SLC8A2: variants seen among roughly 807,000 people sequenced by gnomAD.
The protein encoded by SLC8A2 is solute carrier family 8 member A2.
Under a neutral mutation model 70.2 loss-of-function variants are expected in SLC8A2, and 14 were observed. That is an observed-to-expected ratio of 0.20 (90% confidence interval 0.13 to 0.31). The LOEUF is 0.31. Ranked by LOEUF, SLC8A2 falls within the 10% of genes least tolerant of loss-of-function variation. The pLI, the probability that SLC8A2 is intolerant of heterozygous loss-of-function variation, is 1.00. For synonymous variants in SLC8A2, 575 were observed against 594.3 expected (o/e 0.97, Z 0.47); for missense variants, 779 against 1,320.1 (o/e 0.59, Z 6.35).
chr19:47,429,922 G>A lies in SLC8A2; in HGVS notation c.*167C>T. 2 of 575,586 alleles carry A rather than the reference G, an allele frequency of 3.5e-6. No homozygotes were observed. The highest frequency in any genetic ancestry group is 4.1e-5 in the South Asian group (2 of 48,406). 35.7% of individuals were successfully genotyped at this position (575,586 alleles called of 1,614,324 possible). A position where few individuals can be genotyped will look rare whatever the true frequency, so the allele number is the denominator to read the frequency against. Reference sequence around the variant, plus strand: ...GGAAGAGGGAAGGCTGAGCTACTGGGGACACAGAACAGGGCAATCAAAGCC... The same window carrying A: ...GGAAGAGGGAAGGCTGAGCTACTGGAGACACAGAACAGGGCAATCAAAGCC... On this transcript the variant is annotated 3_prime_UTR_variant, in exon 10 of 10. Transcript: ENST00000236877.
intron 3 of SLC8A2, among the ~76,000 whole-genome samples, chr19:47,450,463 C>T (rs937730485): frequency 1.3e-5 from 2 of 151,746 alleles, no homozygotes; most frequent in Admixed American, 1.3e-4. Context: ...GTGGAGGTTG[C>T]AGTGAGCCAA....
At chr19:47,452,317 C>T (rs1444071770) in intron 3 of SLC8A2, among the ~76,000 whole-genome samples, 1 of 150,474 alleles carries the variant, frequency 6.6e-6, no homozygotes, top group African/African-American at 2.4e-5. Context: ...TGGGCTCAAG[C>T]GATTCCCCTA....
intron 6 of SLC8A2, among the ~76,000 whole-genome samples, chr19:47,439,105 T>G (rs570811833): frequency 7.8e-4 from 117 of 150,954 alleles, no homozygotes; most frequent in Non-Finnish European, 1.1e-3. Flanking sequence ...GCCTCGAAAC[T>G]CTCTTGCCCT....
chr19:47,450,586 G>GC (rs931198957), intron 3 of SLC8A2, among the ~76,000 whole-genome samples: 5 of 152,102 alleles, frequency 3.3e-5, no homozygotes, highest in African/African-American at 1.2e-4. Flanking sequence ...GAGAGGGACC[G>GC]CAAGGTTCTG....
intron 4 of SLC8A2, among the ~76,000 whole-genome samples, chr19:47,444,272 A>T (rs1967132444): frequency 6.6e-6 from 1 of 151,888 alleles, no homozygotes; most frequent in Non-Finnish European, 1.5e-5. Flanking sequence ...AAGTCAACAC[A>T]CTTCAAGCAG....
chr19:47,441,025 T>TC (rs1352167688), intron 6 of SLC8A2, 144 bp downstream of exon 6: 2 of 701,636 alleles, frequency 2.9e-6, no homozygotes, highest in Non-Finnish European at 5.0e-6. Context: ...GACCCCACTG[T>TC]CCCCCAGCCC....
chr19:47,465,667 G>T lies in SLC8A2; in HGVS notation c.675+62C>A. 1 of 1,373,628 alleles carries T rather than the reference G, an allele frequency of 7.3e-7. No individual in the cohort carries two copies. The highest frequency in any genetic ancestry group is 1.4e-5 in the South Asian group (1 of 71,872). 85.1% of individuals were successfully genotyped at this position (1,373,628 alleles called of 1,614,324 possible). On this transcript the variant is annotated intron_variant, in intron 2 of 9. Coordinates refer to ENST00000236877, the MANE Select transcript of SLC8A2 (RefSeq NM_015063.3). This position sits in a 1 kb window ranked among gnomAD's most constrained non-coding sequence, Gnocchi z 5.5. ...CAGCAATCAACACTCCAAGCCAAGA[G>T]CACCTCTCTGGATTTTGCAGACACA...
rs1356509999 is a variant in SLC8A2, at chr19:47,429,860, G to A, written c.*229C>T. On this transcript the variant is annotated 3_prime_UTR_variant, in exon 10 of 10. Coordinates refer to ENST00000236877, the MANE Select transcript of SLC8A2 (RefSeq NM_015063.3). ...CACCAACAGGATGGGCTGGAGTTGG[G>A]GTCACCGCAGGGGAGGAACCGGGGA... 3.4e-6 allele frequency: 2 copies of A among 592,540 alleles called. No homozygotes were observed. Among genetic ancestry groups the A allele is most frequent in the East Asian group, 2.8e-5 (1 of 35,180 alleles). 36.7% of individuals were successfully genotyped at this position (592,540 alleles called of 1,614,324 possible). A position where few individuals can be genotyped will look rare whatever the true frequency, so the allele number is the denominator to read the frequency against.
In SLC8A2 at chr19:47,452,186, G is replaced by A. The variant is rs147748879; in HGVS notation, c.1341-3955C>T. Among the ~76,000 whole-genome samples the A allele has an allele frequency of 4.4e-3, 673 of 152,058 alleles. 9 individuals carry two copies. The highest frequency in any genetic ancestry group is 0.015 in the African/African-American group (629 of 41,456). On this transcript the variant is annotated intron_variant, in intron 3 of 9. Transcript: ENST00000236877. ...ATGAAGGTCATGGTATTTGCAACTC[G>A]TGGTCACAGAGTGTCACAATTATTG...
rs927627706 is a variant in SLC8A2, at chr19:47,465,552, C to G, written c.675+177G>C. On this transcript the variant is annotated intron_variant, in intron 2 of 9. Coordinates refer to ENST00000236877, the MANE Select transcript of SLC8A2 (RefSeq NM_015063.3). This position sits in a 1 kb window ranked among gnomAD's most constrained non-coding sequence, Gnocchi z 5.5. Reference sequence around the variant, plus strand: ...TCCAGCCCCTCCAGCAGGACTTGCCCTGTTTGGCTCAATTCCCTTGTGTAG... The same window carrying G: ...TCCAGCCCCTCCAGCAGGACTTGCCGTGTTTGGCTCAATTCCCTTGTGTAG... Among the ~76,000 whole-genome samples, 2 of 152,224 alleles carry G rather than the reference C, an allele frequency of 1.3e-5. No individual in the cohort carries two copies.
chr19:47,459,617 G>A (rs1967365600), intron 2 of SLC8A2, among the ~76,000 whole-genome samples: 1 of 151,560 alleles, frequency 6.6e-6, no homozygotes, highest in South Asian at 2.1e-4. Context: ...GTGTGTGCAT[G>A]TGTGTATGTG....
chr19:47,465,432 G>A lies in SLC8A2; in HGVS notation c.675+297C>T, dbSNP rs1025928606. On this transcript the variant is annotated intron_variant, in intron 2 of 9. Transcript: ENST00000236877. This position sits in a 1 kb window ranked among gnomAD's most constrained non-coding sequence, Gnocchi z 5.5. ...GCTAAAAGGTGCCCCTTCCAAGTGAGTGTACTGTTCTTAAGTGCAAAACAG... is the reference window on the plus strand; with the variant it reads ...GCTAAAAGGTGCCCCTTCCAAGTGAATGTACTGTTCTTAAGTGCAAAACAG... Among the ~76,000 whole-genome samples the A allele has an allele frequency of 1.9e-4, 29 of 152,352 alleles. No individual in the cohort carries two copies. Among genetic ancestry groups the A allele is most frequent in the African/African-American group, 6.5e-4 (27 of 41,584 alleles).
chr19:47,447,720 T>C lies in SLC8A2; in HGVS notation c.1763+89A>G, dbSNP rs1010092492. On this transcript the variant is annotated intron_variant, in intron 4 of 9. Transcript: ENST00000236877. This position sits in a 1 kb window ranked among gnomAD's most constrained non-coding sequence, Gnocchi z 5.1. ...CCAAGACCCGCCCACTATGTGGGCA[T>C]GGCTCACCCAGGCCCCGCCCCTGAG... The C allele has an allele frequency of 7.2e-5, 97 of 1,340,684 alleles. No individual in the cohort carries two copies. Among genetic ancestry groups the C allele is most frequent in the Middle Eastern group, 5.1e-4 (2 of 3,940 alleles). The allele number at this position is 1,340,684 out of a possible 1,614,324, so 83.0% of individuals were successfully genotyped here.
At chr19:47,439,617 T>TCTTCCTTCCTTCCTTTCTTC (rs1967074708) in intron 6 of SLC8A2, among the ~76,000 whole-genome samples, 2 of 145,928 alleles carry the variant, frequency 1.4e-5, no homozygotes, top group African/African-American at 5.2e-5. Context: ...TTCCTTCCTT[T>TCTTCCTTCCTTCCTTTCTTC]CTTCCTTCCT....
chr19:47,440,821 C>T (rs538256241), intron 6 of SLC8A2, among the ~76,000 whole-genome samples: 60 of 152,102 alleles, frequency 3.9e-4, no homozygotes, highest in Non-Finnish European at 7.8e-4. Flanking sequence ...TAACTCCTGA[C>T]CTCCGGTGAT....
chr19:47,431,670 A>ACCC (rs1966963075), intron 9 of SLC8A2, among the ~76,000 whole-genome samples: 12 of 139,124 alleles, frequency 8.6e-5, no homozygotes, highest in Admixed American at 1.5e-4. Flanking sequence ...AAAAAAAAAA[A>ACCC]AAAAAAAAAA....
chr19:47,469,840 C>T (rs1024226995), intron 1 of SLC8A2, among the ~76,000 whole-genome samples: 2 of 152,222 alleles, frequency 1.3e-5, no homozygotes, highest in Non-Finnish European at 2.9e-5. Context: ...CTCCCAGGGC[C>T]ATCTCTCCCT....
At chr19:47,437,658 G>A in intron 7 of SLC8A2, 97 bp from the exon 8 acceptor site, 1 of 1,195,594 alleles carries the variant, frequency 8.4e-7, no homozygotes. Flanking sequence ...CCTGTGCCCA[G>A]GGGTCCTCAA....
At chr19:47,461,050 C>T (rs144047012) in intron 2 of SLC8A2, among the ~76,000 whole-genome samples, 3,876 of 151,286 alleles carry the variant, frequency 0.026, 76 homozygotes, top group Non-Finnish European at 0.037. Flanking sequence ...ATTAGCTGGG[C>T]GTGGTGGCAG....
Sources: allele counts gnomAD v4.1 joint callset (sites outside exome capture counted in the v4.1 genomes callset), GRCh38; gene constraint gnomAD v4.1.1; non-coding constraint Gnocchi (gnomAD v3.1); transcripts MANE v1.5; gene names NCBI Gene and HGNC (gene_info 2026-07-23, HGNC 2026-07-21).